ITGA9: variants seen among roughly 807,000 people sequenced by gnomAD.
ITGA9 encodes integrin alpha-9.
ITGA9 carries 56 observed loss-of-function variants against 127.8 expected under a neutral mutation model. That is an observed-to-expected ratio of 0.44 (90% CI 0.35 to 0.55). The LOEUF is 0.55. Ranked by LOEUF, ITGA9 falls within the 20% of genes least tolerant of loss-of-function variation. ITGA9 has a pLI of 0.00. For missense variants in ITGA9, 1,196 were observed against 1,347.1 expected (o/e 0.89, Z 1.76); for synonymous variants, 508 against 514.5 (o/e 0.99, Z 0.17).
intron 16 of ITGA9, among the ~76,000 whole-genome samples, chr3:37,650,643 G>A (rs1197439725): frequency 6.6e-6 from 1 of 152,050 alleles, no homozygotes; most frequent in Non-Finnish European, 1.5e-5. Context: ...AGTTGGCCAG[G>A]CTGGTCTCAA....
At chr3:37,610,543 G>A (rs1700006368) in intron 15 of ITGA9, among the ~76,000 whole-genome samples, 1 of 152,178 alleles carries the variant, frequency 6.6e-6, no homozygotes, top group Non-Finnish European at 1.5e-5. Context: ...CAAACTCTAA[G>A]ATGATACAAG....
At chr3:37,544,838 A>G (rs145415346) in intron 15 of ITGA9, among the ~76,000 whole-genome samples, 220 of 152,364 alleles carry the variant, frequency 1.4e-3, no homozygotes, top group Non-Finnish European at 2.8e-3. Flanking sequence ...TCAAGAGGCA[A>G]CATTGTTGCC....
chr3:37,744,927 G>A (rs547536708), intron 22 of ITGA9, among the ~76,000 whole-genome samples: 9 of 152,360 alleles, frequency 5.9e-5, no homozygotes, highest in African/African-American at 4.8e-5. Context: ...GGCACTGGCC[G>A]GACCCTGTGT....
chr3:37,506,216 A>G, intron 7 of ITGA9, 131 bp downstream of exon 7: 1 of 744,130 alleles, frequency 1.3e-6, no homozygotes, highest in Non-Finnish European at 2.4e-6. Flanking sequence ...GGTGATGAGG[A>G]ACCCCCTGAC....
At chr3:37,721,114 CTT>C (rs35254377) in intron 18 of ITGA9, among the ~76,000 whole-genome samples, 16,759 of 92,996 alleles carry the variant, frequency 0.18, 1,406 homozygotes, top group East Asian at 0.32. Flanking sequence ...CTTTTCTTGC[CTT>C]TTTTTTTTTT....
At chr3:37,762,911 T>TA (rs1372473232) in intron 23 of ITGA9, among the ~76,000 whole-genome samples, 1 of 152,166 alleles carries the variant, frequency 6.6e-6, no homozygotes, top group African/African-American at 2.4e-5. Context: ...AGGGATTCCT[T>TA]TGTCTGTTCA....
intron 13 of ITGA9, among the ~76,000 whole-genome samples, chr3:37,527,785 T>C (rs951169042): frequency 6.6e-6 from 1 of 152,026 alleles, no homozygotes; most frequent in Admixed American, 6.6e-5. Flanking sequence ...GCTTTTTTTT[T>C]TTCTTCTTTT....
chr3:37,487,584 G>T (rs539417914), intron 4 of ITGA9, among the ~76,000 whole-genome samples: 4 of 152,198 alleles, frequency 2.6e-5, no homozygotes, highest in Non-Finnish European at 5.9e-5. Flanking sequence ...GCCAGGGGTT[G>T]TGCTAGGTAC....
intron 23 of ITGA9, among the ~76,000 whole-genome samples, chr3:37,760,882 A>G (rs1696715749): frequency 6.6e-6 from 1 of 152,242 alleles, no homozygotes; most frequent in South Asian, 2.1e-4. Context: ...TTGGGAGAAC[A>G]TATTTGCAAC....
At position 37,452,628 on chromosome 3, in the gene ITGA9, C is replaced by A; in HGVS notation, c.185+69C>A. 1 of 1,329,472 alleles carries A rather than the reference C, an allele frequency of 7.5e-7. No homozygotes were observed. Among genetic ancestry groups the A allele is most frequent in the Non-Finnish European group, 9.9e-7 (1 of 1,013,696 alleles). The allele number at this position is 1,329,472 out of a possible 1,614,324, so 82.4% of individuals were successfully genotyped here. A position where few individuals can be genotyped will look rare whatever the true frequency, so the allele number is the denominator to read the frequency against. On this transcript the variant is annotated intron_variant, in intron 1 of 27. Transcript: ENST00000264741. This position sits in a 1 kb window ranked among gnomAD's most constrained non-coding sequence, Gnocchi z 7.3. ...CGCCCCGGCCCCCAGGCCAGCGCCG[C>A]CGCCGCCTTTCCGGTCTCTTCCACG... is the stretch of plus-strand genomic sequence containing the variant.
chr3:37,788,537 G>T (rs1697067895), intron 26 of ITGA9, among the ~76,000 whole-genome samples: 3 of 152,156 alleles, frequency 2.0e-5, no homozygotes, highest in South Asian at 4.2e-4. Flanking sequence ...TTTTATAGAA[G>T]AAATTCAATC....
chr3:37,727,024 T>C lies in ITGA9; in HGVS notation c.2068-5688T>C, dbSNP rs542090760. On this transcript the variant is annotated intron_variant, in intron 18 of 27. Coordinates refer to ENST00000264741, the MANE Select transcript of ITGA9 (RefSeq NM_002207.3). ...AACATCATAGCTTAGCCTAGCCTACTTAAACATGCTTAGAACAGTTCCATT... is the reference window on the plus strand; with the variant it reads ...AACATCATAGCTTAGCCTAGCCTACCTAAACATGCTTAGAACAGTTCCATT... Among the ~76,000 whole-genome samples the C allele has an allele frequency of 3.8e-4, 58 of 152,326 alleles. No individual in the cohort carries two copies. In the South Asian group the frequency reaches 8.7e-3, roughly 23 times the overall value.
chr3:37,653,934 T>C (rs373706904), intron 17 of ITGA9, 144 bp downstream of exon 17: 50 of 678,290 alleles, frequency 7.4e-5, no homozygotes, highest in Middle Eastern at 4.9e-4. Flanking sequence ...TTTAAAAAAA[T>C]GTATGTTACA....
chr3:37,621,001 C>G (rs1217526767), intron 15 of ITGA9, among the ~76,000 whole-genome samples: 3 of 152,168 alleles, frequency 2.0e-5, no homozygotes, highest in Non-Finnish European at 4.4e-5. Flanking sequence ...GTGTCCCCAC[C>G]CAAATCTCAT....
At chr3:37,471,674 C>A (rs1197870948) in intron 2 of ITGA9, among the ~76,000 whole-genome samples, 3 of 152,168 alleles carry the variant, frequency 2.0e-5, no homozygotes, top group African/African-American at 7.2e-5. Flanking sequence ...GAATTTTATT[C>A]TGTGTGTGAG....
At chr3:37,474,329 T>C (rs1698468084) in intron 3 of ITGA9, among the ~76,000 whole-genome samples, 1 of 152,214 alleles carries the variant, frequency 6.6e-6, no homozygotes, top group Non-Finnish European at 1.5e-5. Context: ...CACATTTAAG[T>C]GGCTCAATAA....
chr3:37,479,604 G>A (rs556156314), intron 3 of ITGA9, among the ~76,000 whole-genome samples: 1 of 152,284 alleles, frequency 6.6e-6, no homozygotes, highest in African/African-American at 2.4e-5. Flanking sequence ...CATTCCATTC[G>A]ACCCCAGAGT....
chr3:37,735,672 C>T (rs1451324882), intron 19 of ITGA9, among the ~76,000 whole-genome samples: 1 of 152,208 alleles, frequency 6.6e-6, no homozygotes, highest in Non-Finnish European at 1.5e-5. Context: ...GTGACCCCTA[C>T]CCAAGGGTTC....
In ITGA9 at chr3:37,597,979, A is replaced by C. The variant is rs1216200938; in HGVS notation, c.1690-31208A>C. ...ACGAGAAGGCAGAATTGGGCCCTTG[A>C]TAAGATCATCCTAACACAGAGGCAG... On this transcript the variant is annotated intron_variant, in intron 15 of 27. Coordinates refer to ENST00000264741, the MANE Select transcript of ITGA9 (RefSeq NM_002207.3). This position sits in a 1 kb window ranked among gnomAD's most constrained non-coding sequence, Gnocchi z 4.6. Among the ~76,000 whole-genome samples the C allele has an allele frequency of 1.3e-5, 2 of 152,234 alleles. No homozygotes were observed. The highest frequency in any genetic ancestry group is 1.3e-4 in the Admixed American group (2 of 15,286).
Sources: allele counts gnomAD v4.1 joint callset (sites outside exome capture counted in the v4.1 genomes callset), GRCh38; gene constraint gnomAD v4.1.1; non-coding constraint Gnocchi (gnomAD v3.1); transcripts MANE v1.5; gene names NCBI Gene and HGNC (gene_info 2026-07-23, HGNC 2026-07-21).